The following TBC1D14 variants were observed in gnomAD, a reference collection of about 807,000 sequenced individuals.
TBC1D14 encodes the protein TBC1 domain family, member 14.
Under a neutral mutation model 79.0 loss-of-function variants are expected in TBC1D14, and 26 were observed. The ratio of observed to expected loss-of-function variants is 0.33; its 90% confidence interval spans 0.24 to 0.46. The LOEUF (loss-of-function observed/expected upper bound fraction) is 0.46, where lower values mean the gene tolerates loss of function less well. Among genes scored for constraint, TBC1D14 ranks in the 20% least tolerant of loss-of-function variants. TBC1D14 has a pLI of 1.00. For missense variants in TBC1D14, 769 were observed against 887.6 expected, an observed-to-expected ratio of 0.87 and a Z score of 1.70; for synonymous variants, 394 against 349.9, an observed-to-expected ratio of 1.13 and a Z score of -1.40.
intron 2 of TBC1D14, among the ~76,000 whole-genome samples, chr4:6,945,486 C>T (rs553061453): frequency 6.6e-6 from 1 of 152,258 alleles, no homozygotes; most frequent in East Asian, 1.9e-4. Context: ...TGGTGGCTCA[C>T]GCCTGTAATC....
chr4:7,004,605 G>A (rs149431393), intron 7 of TBC1D14, among the ~76,000 whole-genome samples: 99 of 152,342 alleles, frequency 6.5e-4, no homozygotes, highest in African/African-American at 2.2e-3. Flanking sequence ...TGGGTAGGCT[G>A]TGTCAGAGAA....
chr4:6,912,374 G>C lies in TBC1D14; in HGVS notation c.-18+2423G>C, dbSNP rs148914976. On this transcript the variant is annotated intron_variant, in intron 1 of 13. Coordinates refer to ENST00000409757, the MANE Select transcript of TBC1D14 (RefSeq NM_020773.3). Reference sequence around the variant, plus strand: ...CATCCTGGTGACAGAGCTAGACTCCGTCTCAAAAAATAAAAATAAAATAAA... The same window carrying C: ...CATCCTGGTGACAGAGCTAGACTCCCTCTCAAAAAATAAAAATAAAATAAA... Among the ~76,000 whole-genome samples, 1,224 of 151,864 alleles carry C rather than the reference G, an allele frequency of 8.1e-3. 11 individuals are homozygous for C. Among genetic ancestry groups the C allele is most frequent in the African/African-American group, 0.027 (1,132 of 41,394 alleles).
intron 2 of TBC1D14, among the ~76,000 whole-genome samples, chr4:6,956,136 C>T (rs1001660135): frequency 3.9e-5 from 6 of 152,278 alleles, no homozygotes; most frequent in Middle Eastern, 3.4e-3. Context: ...CATAGCCCCC[C>T]GACTTGTACT....
chr4:6,928,552 G>C (rs904143767), intron 2 of TBC1D14, among the ~76,000 whole-genome samples: 2 of 152,286 alleles, frequency 1.3e-5, no homozygotes, highest in East Asian at 3.9e-4. Context: ...ATATGAGGGG[G>C]CCGGGTGCGG....
intron 2 of TBC1D14, among the ~76,000 whole-genome samples, chr4:6,943,716 C>G (rs1713140833): frequency 1.3e-5 from 2 of 152,208 alleles, no homozygotes; most frequent in Admixed American, 1.3e-4. Context: ...CACTAGCCCA[C>G]TCCCCGCCCC....
At chr4:7,006,510 T>G in intron 8 of TBC1D14, 122 bp from the exon 9 acceptor site, 1 of 676,454 alleles carries the variant, frequency 1.5e-6, no homozygotes, top group Middle Eastern at 2.5e-4. Flanking sequence ...AAGATGTGAT[T>G]AGGTCAGTGT....
At position 6,923,743 on chromosome 4, in the gene TBC1D14, C is replaced by T. The variant is rs142720842; in HGVS notation, c.354C>T (p.Thr118=). Residue 118 remains threonine (T), a synonymous_variant, in exon 2 of 14, where the codon ACC becomes ACT. Coordinates refer to ENST00000409757, the MANE Select transcript of TBC1D14 (RefSeq NM_020773.3). ...GTGCGCCACCAGCTCCTAGCAGCAC[C>T]GAGCGGGAACAGAGCGTGCGCAAAT... ...PSCAPPAPSS[T]EREQSVRKSS... 3.7e-5 allele frequency: 59 copies of T among 1,613,992 alleles called. No homozygotes were observed. The African/African-American group carries it at 5.2e-4, about 14-fold the overall frequency.
At chr4:6,919,418 T>G (rs1723659351) in intron 1 of TBC1D14, among the ~76,000 whole-genome samples, 1 of 152,156 alleles carries the variant, frequency 6.6e-6, no homozygotes, top group African/African-American at 2.4e-5. Context: ...AGTGTTGGGA[T>G]TACTGGCGTG....
At chr4:7,021,410 CA>C (rs1417190633) in intron 12 of TBC1D14, among the ~76,000 whole-genome samples, 2 of 152,142 alleles carry the variant, frequency 1.3e-5, no homozygotes, top group African/African-American at 4.8e-5. Context: ...CTAGTCTGGG[CA>C]ACACAGTGAG....
intron 2 of TBC1D14, among the ~76,000 whole-genome samples, chr4:6,928,525 C>T (rs1043690921): frequency 1.3e-5 from 2 of 152,122 alleles, no homozygotes; most frequent in Non-Finnish European, 1.5e-5. Context: ...GGTAATGGCA[C>T]CTCTTGTAAA....
intron 2 of TBC1D14, among the ~76,000 whole-genome samples, chr4:6,959,671 A>G (rs890507005): frequency 6.6e-5 from 10 of 152,230 alleles, no homozygotes; most frequent in African/African-American, 2.2e-4. Flanking sequence ...CATAGTAGGC[A>G]TGACGATTGT....
chr4:7,017,410 G>T (rs1473892943), intron 12 of TBC1D14, among the ~76,000 whole-genome samples: 2 of 152,146 alleles, frequency 1.3e-5, no homozygotes, highest in East Asian at 1.9e-4. Context: ...AGTCTACCCG[G>T]CTCTAGAGCT....
chr4:6,941,351 A>G (rs1483880313), intron 2 of TBC1D14, among the ~76,000 whole-genome samples: 1 of 151,878 alleles, frequency 6.6e-6, no homozygotes, highest in Non-Finnish European at 1.5e-5. Flanking sequence ...ACGCCTGGCT[A>G]ATTTTTGTAT....
chr4:7,030,100 G>A (rs1236538280), intron 13 of TBC1D14, among the ~76,000 whole-genome samples: 1 of 152,162 alleles, frequency 6.6e-6, no homozygotes, highest in Non-Finnish European at 1.5e-5. Context: ...TTCTGTGGCC[G>A]GCTGGAAGGA....
At chr4:6,997,137 CTGTG>C (rs1475612124) in intron 5 of TBC1D14, 2 of 152,360 alleles carry the variant, frequency 1.3e-5, no homozygotes, top group Admixed American at 1.3e-4. Flanking sequence ...CCTCCCGAAG[CTGTG>C]TGTTTGGTCA....
At chr4:7,000,484 G>A (rs1719551775) in intron 6 of TBC1D14, among the ~76,000 whole-genome samples, 1 of 152,258 alleles carries the variant, frequency 6.6e-6, no homozygotes, top group Non-Finnish European at 1.5e-5. Context: ...GATGCAGCCT[G>A]CTTTCTGCAG....
chr4:6,990,877 A>G (rs1718420315), intron 3 of TBC1D14, among the ~76,000 whole-genome samples: 1 of 151,042 alleles, frequency 6.6e-6, no homozygotes, highest in East Asian at 1.9e-4. Flanking sequence ...TAGCGCTGAT[A>G]ATCCACAACT....
chr4:6,985,749 G>C (rs1454001156), intron 3 of TBC1D14, among the ~76,000 whole-genome samples: 1 of 152,148 alleles, frequency 6.6e-6, no homozygotes, highest in African/African-American at 2.4e-5. Flanking sequence ...AAGTGCCCAG[G>C]AATTAATTGA....
intron 12 of TBC1D14, among the ~76,000 whole-genome samples, chr4:7,016,149 T>G (rs947438635): frequency 6.6e-6 from 1 of 152,214 alleles, no homozygotes; most frequent in Admixed American, 6.5e-5. Flanking sequence ...AACCCTGGAC[T>G]GTTCTCACTC....
Sources: gnomAD v4.1 joint callset for allele counts (sites outside exome capture counted in the v4.1 genomes callset) on GRCh38, gnomAD v4.1.1 for gene constraint, MANE v1.5 for transcripts, NCBI Gene and HGNC (gene_info 2026-07-23, HGNC 2026-07-21) for gene names.